Variants in MBTPS1 observed in about 807,000 individuals in gnomAD.
MBTPS1 encodes membrane-bound transcription factor site-1 protease.
A neutral mutation model predicts 127.8 loss-of-function variants in MBTPS1; 94 were observed. That is an observed-to-expected ratio of 0.74 (90% CI 0.62 to 0.87). The LOEUF (loss-of-function observed/expected upper bound fraction) is 0.87, where lower values mean the gene tolerates loss of function less well. Ranked by LOEUF, MBTPS1 falls within the 40% of genes least tolerant of loss-of-function variation. The pLI is 0.00. For missense variants in MBTPS1, 1,636 were observed against 1,353.2 expected, an observed-to-expected ratio of 1.21 and a Z score of -3.28; for synonymous variants, 632 against 509.4, an observed-to-expected ratio of 1.24 and a Z score of -3.24.
rs1250895047 is a variant in MBTPS1, at chr16:84,067,704, C to G, written c.2191G>C (p.Val731Leu). 1 of 1,614,004 alleles carries G rather than the reference C, an allele frequency of 6.2e-7. No individual in the cohort carries two copies. The highest frequency in any genetic ancestry group is 8.5e-7 in the Non-Finnish European group (1 of 1,179,850). ...VIFSDWYNTS[V>L]MRKVKFYDEN... ...TCATAAAACTTCACTTTTCTCATAA[C>G]AGAAGTGTTGTACCAGTCACTGAAG... The change falls in exon 16 of 23, where the codon GTT (valine) becomes CTT (leucine). Residue 731 changes from valine (V) to leucine (L), a missense_variant. Coordinates refer to ENST00000343411, the MANE Select transcript of MBTPS1 (RefSeq NM_003791.4).
chr16:84,112,974 CAAAAA>C (rs71382895), intron 1 of MBTPS1, among the ~76,000 whole-genome samples: 1 of 56,878 alleles, frequency 1.8e-5, no homozygotes, highest in Admixed American at 1.8e-4. Flanking sequence ...GATGCCATCT[CAAAAA>C]AAAAAAAAAA....
intron 13 of MBTPS1, 43 bp from the exon 14 acceptor site, chr16:84,070,081 G>C: frequency 6.7e-7 from 1 of 1,501,856 alleles, no homozygotes; most frequent in Non-Finnish European, 8.9e-7. Flanking sequence ...TCATTGTGCA[G>C]AAAGAAACTT....
At chr16:84,068,013 CTG>C (rs2085712910) in intron 15 of MBTPS1, among the ~76,000 whole-genome samples, 190 bp from the exon 16 acceptor site, 1 of 152,256 alleles carries the variant, frequency 6.6e-6, no homozygotes. Context: ...CAGCGACTAA[CTG>C]TGATCTGATT....
chr16:84,098,765 G>T (rs562892626), intron 3 of MBTPS1, among the ~76,000 whole-genome samples: 110 of 152,220 alleles, frequency 7.2e-4, no homozygotes, highest in African/African-American at 2.4e-3. Context: ...GGCGAAAATC[G>T]CTTCCAACAG....
At chr16:84,062,587 T>C (rs978299432) in intron 19 of MBTPS1, among the ~76,000 whole-genome samples, 1 of 152,156 alleles carries the variant, frequency 6.6e-6, no homozygotes, top group Non-Finnish European at 1.5e-5. Context: ...AGTTCCCCAG[T>C]GGTCACAGCG....
At chr16:84,083,263 C>T (rs963203332) in intron 10 of MBTPS1, among the ~76,000 whole-genome samples, 1 of 152,198 alleles carries the variant, frequency 6.6e-6, no homozygotes, top group African/African-American at 2.4e-5. Context: ...GCCCACTATC[C>T]ACCTTCCCTC....
intron 10 of MBTPS1, among the ~76,000 whole-genome samples, chr16:84,082,324 G>A (rs962675557): frequency 2.0e-5 from 3 of 152,150 alleles, no homozygotes; most frequent in African/African-American, 4.8e-5. Context: ...GAGGGGCCAC[G>A]ACACAGGACT....
At chr16:84,084,248 G>A (rs781163985) in intron 10 of MBTPS1, among the ~76,000 whole-genome samples, 4 of 152,142 alleles carry the variant, frequency 2.6e-5, no homozygotes, top group Non-Finnish European at 5.9e-5. Context: ...GTGAGCCACC[G>A]CACCCGGCCT....
At position 84,059,299 on chromosome 16, in the gene MBTPS1, A is replaced by T. The variant is rs775061273; in HGVS notation, c.2831+3T>A. On this transcript the variant is annotated splice_donor_region_variant and intron_variant, in intron 21 of 22. Coordinates refer to ENST00000343411, the MANE Select transcript of MBTPS1 (RefSeq NM_003791.4). The stretch of plus-strand genomic sequence containing the variant: ...GAGTGGAAGGGCACAGGCGGACACT[A>T]ACCTGGGCGCCGTCTCGTTTAAAGG... The T allele has an allele frequency of 2.5e-6, 4 of 1,612,806 alleles. No individual in the cohort carries two copies. The highest frequency in any genetic ancestry group is 3.3e-5 in the Admixed American group (2 of 59,964).
chr16:84,097,056 G>GA (rs972183200), intron 3 of MBTPS1, among the ~76,000 whole-genome samples: 5 of 152,164 alleles, frequency 3.3e-5, no homozygotes, highest in East Asian at 1.9e-4. Flanking sequence ...AGCCTGGAGA[G>GA]AAAAAATTGC....
Position 84,066,739 on chromosome 16 carries a change from A to C in MBTPS1, c.2229-126T>G, listed in dbSNP as rs940186464. On this transcript the variant is annotated intron_variant, in intron 16 of 22. Transcript: ENST00000343411. Reference sequence around the variant, plus strand: ...CCAGTCCTTCCACACTAAGGCTTCAACTGAAACCAACTGTCTGGGTTTGGG... The same window carrying C: ...CCAGTCCTTCCACACTAAGGCTTCACCTGAAACCAACTGTCTGGGTTTGGG... 8 of 892,636 alleles carry C rather than the reference A, an allele frequency of 9.0e-6. No individual in the cohort carries two copies. In the African/African-American group the frequency reaches 1.4e-4, roughly 15 times the overall value. 55.3% of individuals were successfully genotyped at this position (892,636 alleles called of 1,614,324 possible). A position where few individuals can be genotyped will look rare whatever the true frequency, so the allele number is the denominator to read the frequency against.
chr16:84,081,914 G>T lies in MBTPS1; in HGVS notation c.1287-6C>A. 7.2e-7 allele frequency: 1 copy of T among 1,382,162 alleles called. No individual in the cohort carries two copies. Among genetic ancestry groups the T allele is most frequent in the East Asian group, 2.7e-5 (1 of 36,414 alleles). 85.6% of individuals were successfully genotyped at this position (1,382,162 alleles called of 1,614,324 possible). A position where few individuals can be genotyped will look rare whatever the true frequency, so the allele number is the denominator to read the frequency against. On this transcript the variant is annotated splice_region_variant and splice_polypyrimidine_tract_variant and intron_variant, in intron 10 of 22. Transcript: ENST00000343411. ...GCTCACGCTTCTGGACTGTGCTGGA[G>T]GAAAAATCAAGAATTGCCTATTTTC...
chr16:84,095,906 C>A (rs1597342441), intron 3 of MBTPS1, 101 bp from the exon 4 acceptor site: 2 of 912,304 alleles, frequency 2.2e-6, no homozygotes, highest in East Asian at 5.0e-5. Context: ...TTACCATTTG[C>A]CACTCTGTTT....
intron 11 of MBTPS1, among the ~76,000 whole-genome samples, chr16:84,080,870 A>T (rs867641952): frequency 6.6e-6 from 1 of 152,208 alleles, no homozygotes; most frequent in Non-Finnish European, 1.5e-5. Flanking sequence ...ATGTAATCCT[A>T]GCTTGACGTC....
chr16:84,054,358 C>T lies in MBTPS1; in HGVS notation c.*91G>A. ...AAACCTGCAGCTGGAAACTGGATCC[C>T]TTTTAAACCAGCCGCCACCACAGCT... is the stretch of plus-strand genomic sequence containing the variant. On this transcript the variant is annotated 3_prime_UTR_variant, in exon 23 of 23. Coordinates refer to ENST00000343411, the MANE Select transcript of MBTPS1 (RefSeq NM_003791.4). 1 of 1,257,386 alleles carries T rather than the reference C, an allele frequency of 8.0e-7. No individual in the cohort carries two copies. Among genetic ancestry groups the T allele is most frequent in the East Asian group, 2.6e-5 (1 of 38,624 alleles). The allele number at this position is 1,257,386 out of a possible 1,614,324, so 77.9% of individuals were successfully genotyped here. A position where few individuals can be genotyped will look rare whatever the true frequency, so the allele number is the denominator to read the frequency against.
chr16:84,084,604 G>C (rs1266013949), intron 10 of MBTPS1, among the ~76,000 whole-genome samples: 2 of 152,182 alleles, frequency 1.3e-5, no homozygotes, highest in East Asian at 3.8e-4. Flanking sequence ...AGGAAATGGA[G>C]GATATATGGC....
intron 18 of MBTPS1, 62 bp from the exon 19 acceptor site, chr16:84,063,507 C>A: frequency 6.8e-7 from 1 of 1,478,192 alleles, no homozygotes; most frequent in South Asian, 1.2e-5. Context: ...GAGTTATTTC[C>A]TGATATTTCA....
rs763294386 is a variant in MBTPS1 at position 84,066,646 on chromosome 16, G to C, written c.2229-33C>G. 1.9e-6 allele frequency: 3 copies of C among 1,611,082 alleles called. No individual in the cohort carries two copies. In the South Asian group the frequency reaches 3.3e-5, roughly 18 times the overall value. On this transcript the variant is annotated intron_variant, in intron 16 of 22. Transcript: ENST00000343411. ...AGTGGTAACAGACACACAGGGAACAGGGAATGAAGACACTCCATACACAGT... is the reference window on the plus strand; with the variant it reads ...AGTGGTAACAGACACACAGGGAACACGGAATGAAGACACTCCATACACAGT...
chr16:84,083,838 TA>T (rs2085978208), intron 10 of MBTPS1, among the ~76,000 whole-genome samples: 1 of 152,162 alleles, frequency 6.6e-6, no homozygotes, highest in Non-Finnish European at 1.5e-5. Context: ...GAAAATACAG[TA>T]ACAAGATAAA....
Sources: allele counts gnomAD v4.1 joint callset (sites outside exome capture counted in the v4.1 genomes callset), GRCh38; gene constraint gnomAD v4.1.1; transcripts MANE v1.5; gene names NCBI Gene and HGNC (gene_info 2026-07-23, HGNC 2026-07-21).